The following MALRD1 variants were observed in gnomAD, a reference collection of about 807,000 sequenced individuals.
MALRD1 encodes the protein MAM and LDL receptor class A domain containing 1.
In MALRD1, 247 loss-of-function variants were observed where a neutral mutation model predicts 242.1. The ratio of observed to expected loss-of-function variants is 1.02; its 90% CI spans 0.92 to 1.13. The LOEUF (loss-of-function observed/expected upper bound fraction) is 1.13, where lower values mean the gene tolerates loss of function less well. Among genes scored for constraint, MALRD1 ranks in the 50% most tolerant of loss-of-function variants. The pLI, the probability that MALRD1 is intolerant of heterozygous loss-of-function variation, is 0.00. For synonymous variants in MALRD1, 995 were observed against 866.6 expected (o/e 1.15, Z -2.60); for missense variants, 2,989 against 2,533.1 (o/e 1.18, Z -3.86).
At chr10:19,483,242 C>A (rs6481945) in intron 29 of MALRD1, among the ~76,000 whole-genome samples, 121,919 of 151,264 alleles carry the variant, frequency 0.81, 49,499 homozygotes, top group East Asian at 1. Context: ...ATTTTTGACA[C>A]TGACCTTGGG....
intron 11 of MALRD1, among the ~76,000 whole-genome samples, chr10:19,149,554 ATG>A (rs1554798170): frequency 2.0e-5 from 3 of 152,090 alleles, no homozygotes; most frequent in Non-Finnish European, 4.4e-5. Context: ...TCAAAATTAT[ATG>A]TGTTTCTGTG....
At chr10:19,276,309 TA>T (rs1840525631) in intron 19 of MALRD1, among the ~76,000 whole-genome samples, 4 of 152,114 alleles carry the variant, frequency 2.6e-5, no homozygotes, top group Middle Eastern at 3.4e-3. Context: ...TATATATATA[TA>T]TTTTCAGTAA....
intron 36 of MALRD1, among the ~76,000 whole-genome samples, chr10:19,655,419 A>G (rs1262483494): frequency 6.6e-6 from 1 of 151,210 alleles, no homozygotes; most frequent in Non-Finnish European, 1.5e-5. Context: ...CAATGTAATT[A>G]TTGTTGATTT....
At chr10:19,496,694 G>A (rs1019708664) in intron 30 of MALRD1, among the ~76,000 whole-genome samples, 5 of 152,120 alleles carry the variant, frequency 3.3e-5, no homozygotes, top group South Asian at 4.1e-4. Flanking sequence ...AGTGTGAAAG[G>A]CCATGGAAAG....
At chr10:19,121,571 C>T (rs1002941149) in intron 5 of MALRD1, among the ~76,000 whole-genome samples, 8 of 151,742 alleles carry the variant, frequency 5.3e-5, no homozygotes, top group Non-Finnish European at 1.0e-4. Flanking sequence ...CCATTTAGGT[C>T]CTGAAGGAAA....
chr10:19,062,001 G>A (rs1018835049), intron 1 of MALRD1, among the ~76,000 whole-genome samples: 2 of 151,444 alleles, frequency 1.3e-5, no homozygotes, highest in Non-Finnish European at 2.9e-5. Flanking sequence ...CAGAGTAGTA[G>A]AAAATATTTG....
At chr10:19,476,368 A>T (rs74118962) in intron 29 of MALRD1, among the ~76,000 whole-genome samples, 2 of 151,988 alleles carry the variant, frequency 1.3e-5, no homozygotes, top group Admixed American at 1.3e-4. Context: ...ACCCAGAATA[A>T]TGAGTATTTG....
At chr10:19,414,269 G>A (rs925161810) in intron 28 of MALRD1, among the ~76,000 whole-genome samples, 3 of 152,084 alleles carry the variant, frequency 2.0e-5, no homozygotes, top group African/African-American at 7.2e-5. Context: ...AATCCATTCA[G>A]GTGCAACTTA....
chr10:19,685,051 T>A (rs1220007847), intron 36 of MALRD1, among the ~76,000 whole-genome samples: 1 of 152,172 alleles, frequency 6.6e-6, no homozygotes, highest in Non-Finnish European at 1.5e-5. Flanking sequence ...GATAACCAAT[T>A]TTTTCAAAGC....
chr10:19,244,730 A>G (rs1441677933), intron 18 of MALRD1, among the ~76,000 whole-genome samples: 1 of 152,200 alleles, frequency 6.6e-6, no homozygotes, highest in African/African-American at 2.4e-5. Flanking sequence ...AAACCAAGCT[A>G]TTTAATACGT....
At chr10:19,699,556 G>T (rs1026705016) in intron 38 of MALRD1, among the ~76,000 whole-genome samples, 14 of 152,110 alleles carry the variant, frequency 9.2e-5, no homozygotes, top group Non-Finnish European at 1.8e-4. Context: ...TTTAAAAGGT[G>T]TATTGGGCTA....
At chr10:19,377,950 C>T (rs1196219797) in intron 26 of MALRD1, among the ~76,000 whole-genome samples, 1 of 152,110 alleles carries the variant, frequency 6.6e-6, no homozygotes, top group African/African-American at 2.4e-5. Context: ...CAATCCCTTT[C>T]ATTCACAATT....
At chr10:19,209,784 C>G in intron 18 of MALRD1, 104 bp downstream of exon 18, 2 of 1,192,224 alleles carry the variant, frequency 1.7e-6, no homozygotes, top group South Asian at 3.3e-5. Context: ...GGAATTTGAT[C>G]AAAGTTACAT....
chr10:19,137,607 G>GAAAAAAAAAAAAAAA (rs34768480), intron 10 of MALRD1, among the ~76,000 whole-genome samples: 1 of 84,448 alleles, frequency 1.2e-5, no homozygotes, highest in Non-Finnish European at 2.3e-5. Flanking sequence ...GACTCCGTCT[G>GAAAAAAAAAAAAAAA]AAAAAAAAAA....
At chr10:19,358,028 G>A (rs1787289068) in intron 26 of MALRD1, among the ~76,000 whole-genome samples, 1 of 151,838 alleles carries the variant, frequency 6.6e-6, no homozygotes, top group African/African-American at 2.4e-5. Flanking sequence ...TTTGTTAATT[G>A]CTAAATGATG....
intron 29 of MALRD1, chr10:19,489,159 C>T (rs747492235): frequency 3.6e-5 from 17 of 469,326 alleles, no homozygotes; most frequent in Non-Finnish European, 7.0e-5. Context: ...AACAGGAGGT[C>T]AGCGCTGTTG....
intron 26 of MALRD1, among the ~76,000 whole-genome samples, chr10:19,374,913 A>G (rs1365556438): frequency 2.6e-5 from 4 of 152,182 alleles, no homozygotes; most frequent in African/African-American, 9.7e-5. Context: ...TCATGTAACC[A>G]TCTAAGAATT....
intron 36 of MALRD1, among the ~76,000 whole-genome samples, chr10:19,681,894 T>C (rs1182815076): frequency 1.3e-5 from 2 of 151,016 alleles, no homozygotes; most frequent in Non-Finnish European, 3.0e-5. Flanking sequence ...AGTCTTGCTG[T>C]TTCCAGGCTG....
At chr10:19,597,066 G>A (rs1838134138) in intron 34 of MALRD1, among the ~76,000 whole-genome samples, 1 of 152,120 alleles carries the variant, frequency 6.6e-6, no homozygotes, top group African/African-American at 2.4e-5. Context: ...CTCTTTTCCT[G>A]GTTCGGGCTG....
Sources: gnomAD v4.1 joint callset for allele counts (sites outside exome capture counted in the v4.1 genomes callset) on GRCh38, gnomAD v4.1.1 for gene constraint, MANE v1.5 for transcripts, NCBI Gene and HGNC (gene_info 2026-07-23, HGNC 2026-07-21) for gene names.